The following PIAS2 variants were observed in gnomAD, a reference collection of about 807,000 sequenced individuals.
PIAS2 encodes the protein protein inhibitor of activated STAT 2, also known as E3 SUMO-protein ligase PIAS2.
In PIAS2, 19 loss-of-function variants were observed where a neutral mutation model predicts 69.7. That is an observed-to-expected ratio of 0.27 (90% CI 0.19 to 0.40). The LOEUF (loss-of-function observed/expected upper bound fraction) is 0.40. Ranked by LOEUF, PIAS2 falls within the 10% of genes least tolerant of loss-of-function variation. PIAS2 has a pLI of 1.00. For synonymous variants in PIAS2, 261 were observed against 263.2 expected, an observed-to-expected ratio of 0.99 and a Z score of 0.08; for missense variants, 624 against 757.0, an observed-to-expected ratio of 0.82 and a Z score of 2.06.
chr18:46,829,887 T>C lies in PIAS2; in HGVS notation c.1203-20A>G, dbSNP rs376337404. On this transcript the variant is annotated intron_variant, in intron 9 of 13. Transcript: ENST00000585916. ...AAAAGCCTAAAAAACAATTAAGAAGTACATACATGTGATCAACAGCTTTGC... is the reference window on the plus strand; with the variant it reads ...AAAAGCCTAAAAAACAATTAAGAAGCACATACATGTGATCAACAGCTTTGC... 1.1e-4 allele frequency: 170 copies of C among 1,601,272 alleles called. No homozygotes were observed. The highest frequency in any genetic ancestry group is 1.4e-4 in the Non-Finnish European group (165 of 1,174,416).
At chr18:46,885,380 C>T (rs537600200) in intron 2 of PIAS2, among the ~76,000 whole-genome samples, 215 of 151,966 alleles carry the variant, frequency 1.4e-3, no homozygotes, top group Non-Finnish European at 2.1e-3. Context: ...ATTAGCTGGG[C>T]GTGGTGGCGG....
intron 1 of PIAS2, chr18:46,903,569 G>C (rs376569557): frequency 6.6e-6 from 1 of 152,116 alleles, no homozygotes; most frequent in African/African-American, 2.4e-5. Context: ...CCAAATGCTG[G>C]CGAGGATGCT....
chr18:46,868,562 T>C (rs1340141388), intron 2 of PIAS2, among the ~76,000 whole-genome samples: 1 of 150,866 alleles, frequency 6.6e-6, no homozygotes, highest in Non-Finnish European at 1.5e-5. Flanking sequence ...GATTGTGCCG[T>C]CTGACTCCAG....
intron 8 of PIAS2, among the ~76,000 whole-genome samples, chr18:46,841,278 C>A (rs186210197): frequency 1.3e-5 from 2 of 152,144 alleles, no homozygotes. Context: ...AATCACTTTA[C>A]GAAAATACTG....
At chr18:46,844,695 T>C in intron 7 of PIAS2, 39 bp downstream of exon 7, 1 of 769,982 alleles carries the variant, frequency 1.3e-6, no homozygotes, top group Non-Finnish European at 2.0e-6. Context: ...AATCTTTTTT[T>C]TTTTTTTTAA....
At chr18:46,918,342 AC>A (rs1218447182), upstream of PIAS2, among the ~76,000 whole-genome samples, 1 of 152,010 alleles carries the variant, frequency 6.6e-6, no homozygotes, top group Non-Finnish European at 1.5e-5. Context: ...AAACAATGTA[AC>A]TTTTAAGGCC....
At chr18:46,842,396 G>T (rs1294312600) in intron 8 of PIAS2, among the ~76,000 whole-genome samples, 3 of 151,592 alleles carry the variant, frequency 2.0e-5, no homozygotes, top group Non-Finnish European at 4.4e-5. Flanking sequence ...AAATTTAAAA[G>T]ATTCTAAGAA....
chr18:46,915,520 T>C (rs1390195924), intron 1 of PIAS2: 1 of 150,560 alleles, frequency 6.6e-6, no homozygotes, highest in East Asian at 1.9e-4. Context: ...AGAGGGGCCA[T>C]CTTCTAAAAA....
At chr18:46,862,318 G>C (rs578146) in intron 3 of PIAS2, among the ~76,000 whole-genome samples, 1 of 151,876 alleles carries the variant, frequency 6.6e-6, no homozygotes, top group East Asian at 1.9e-4. Flanking sequence ...CTGGATGACA[G>C]AGCGAGACTC....
intron 1 of PIAS2, chr18:46,906,131 C>A (rs2056565937): frequency 6.6e-6 from 1 of 152,014 alleles, no homozygotes; most frequent in Non-Finnish European, 1.5e-5. Context: ...TGATAAAATT[C>A]ATTCATGATT....
Position 46,804,561 on chromosome 18 carries a change from T to C in PIAS2, c.*7872A>G, listed in dbSNP as rs534388416. ...TACAAGGCCCTTCACGATCTATCTA[T>C]GCATATTTCTCAATATTCCTTAGCA... On this transcript the variant is annotated 3_prime_UTR_variant, in exon 14 of 14. Transcript: ENST00000585916. 2 of 152,370 alleles carry C rather than the reference T, an allele frequency of 1.3e-5. No homozygotes were observed. Among genetic ancestry groups the C allele is most frequent in the East Asian group, 3.9e-4 (2 of 5,190 alleles). The allele number at this position is 152,370 out of a possible 1,614,324, so 9.4% of individuals were successfully genotyped here.
chr18:46,843,373 AC>A (rs2045702817), intron 8 of PIAS2, among the ~76,000 whole-genome samples: 1 of 152,182 alleles, frequency 6.6e-6, no homozygotes, highest in Non-Finnish European at 1.5e-5. Flanking sequence ...GTTCTTCTTA[AC>A]CGGAAAGGGT....
At chr18:46,850,106 T>C (rs2046746370) in intron 5 of PIAS2, among the ~76,000 whole-genome samples, 1 of 152,164 alleles carries the variant, frequency 6.6e-6, no homozygotes, top group South Asian at 2.1e-4. Context: ...ATTTTAAACA[T>C]ATACAAAAAT....
intron 11 of PIAS2, among the ~76,000 whole-genome samples, chr18:46,824,948 C>T (rs532839615): frequency 6.6e-6 from 1 of 151,072 alleles, no homozygotes; most frequent in Non-Finnish European, 1.5e-5. Context: ...TGCAGTGAGC[C>T]GCGATCACAC....
At chr18:46,833,973 CT>C (rs2145053112) in intron 9 of PIAS2, among the ~76,000 whole-genome samples, 1 of 152,188 alleles carries the variant, frequency 6.6e-6, no homozygotes, top group African/African-American at 2.4e-5. Context: ...CCCAATTTTC[CT>C]CCCACAGTGT....
rs929029361 is a variant in PIAS2 at position 46,810,241 on chromosome 18, A to G, written c.*2192T>C. 5 of 152,184 alleles carry G rather than the reference A, an allele frequency of 3.3e-5. No individual in the cohort carries two copies. The highest frequency in any genetic ancestry group is 1.2e-4 in the African/African-American group (5 of 41,448). The allele number at this position is 152,184 out of a possible 1,614,324, so 9.4% of individuals were successfully genotyped here. On this transcript the variant is annotated 3_prime_UTR_variant, in exon 14 of 14. Transcript: ENST00000585916. ...TTATAAAAGCACAGAGATATCAGTT[A>G]TAAGAACCAAGTAAATAAACTAATT... is the stretch of plus-strand genomic sequence containing the variant.
intron 2 of PIAS2, among the ~76,000 whole-genome samples, chr18:46,865,849 G>A (rs2049365202): frequency 6.6e-6 from 1 of 152,144 alleles, no homozygotes. Context: ...TAATTATGGA[G>A]CATCAAACAC....
At chr18:46,910,697 T>C (rs1447268092) in intron 1 of PIAS2, among the ~76,000 whole-genome samples, 3 of 152,322 alleles carry the variant, frequency 2.0e-5, no homozygotes, top group South Asian at 2.1e-4. Context: ...ACAAATCCCG[T>C]AGATCGTAGA....
chr18:46,900,601 C>G (rs1014413777), intron 1 of PIAS2, among the ~76,000 whole-genome samples: 5 of 151,822 alleles, frequency 3.3e-5, no homozygotes, highest in African/African-American at 1.2e-4. Flanking sequence ...ACCCTGGGCC[C>G]AGGAGTTTGA....
Sources: allele counts gnomAD v4.1 joint callset (sites outside exome capture counted in the v4.1 genomes callset), GRCh38; gene constraint gnomAD v4.1.1; transcripts MANE v1.5; gene names NCBI Gene and HGNC (gene_info 2026-07-23, HGNC 2026-07-21).